Variants in CDH12 observed in about 807,000 individuals in gnomAD.
CDH12 encodes cadherin 12.
CDH12 carries 41 observed loss-of-function variants against 74.1 expected under a neutral mutation model. The observed-to-expected ratio is 0.55, with a 90% CI of 0.43 to 0.72. The LOEUF (loss-of-function observed/expected upper bound fraction) is 0.72, where lower values mean the gene tolerates loss of function less well. Among genes scored for constraint, CDH12 ranks in the 30% least tolerant of loss-of-function variants. The pLI is 0.00. For missense variants in CDH12, 945 were observed against 977.2 expected, an observed-to-expected ratio of 0.97 and a Z score of 0.44; for synonymous variants, 399 against 355.0, an observed-to-expected ratio of 1.12 and a Z score of -1.39.
At chr5:22,384,603 G>A (rs958034816) in intron 3 of CDH12, among the ~76,000 whole-genome samples, 1 of 150,982 alleles carries the variant, frequency 6.6e-6, no homozygotes, top group Non-Finnish European at 1.5e-5. Flanking sequence ...CAGAAAAAAA[G>A]GTTTCAAGGT....
At chr5:22,031,942 C>A (rs558780565) in intron 5 of CDH12, among the ~76,000 whole-genome samples, 1 of 151,950 alleles carries the variant, frequency 6.6e-6, no homozygotes, top group Non-Finnish European at 1.5e-5. Context: ...CAAAGTGAAC[C>A]CATGTTGCAA....
rs143757683 is a variant in CDH12 at position 21,993,070 on chromosome 5, C to T, written c.232-17685G>A. ...CAGAACGATGAGGGGGACATCTGCC[C>T]TCAGGATCTAATCACCTCCCACTAG... On this transcript the variant is annotated intron_variant, in intron 5 of 14. Coordinates refer to ENST00000382254, the MANE Select transcript of CDH12 (RefSeq NM_004061.5). 5.5e-3 allele frequency among the ~76,000 whole-genome samples: 842 copies of T among 152,164 alleles called. 4 individuals are homozygous for T. Among genetic ancestry groups the T allele is most frequent in the South Asian group, 0.012 (59 of 4,814 alleles).
At chr5:22,768,679 A>C (rs907623400) in intron 1 of CDH12, among the ~76,000 whole-genome samples, 5 of 152,134 alleles carry the variant, frequency 3.3e-5, no homozygotes, top group African/African-American at 9.7e-5. Context: ...AAAATGAATA[A>C]GATTTGGACC....
At chr5:22,265,581 T>C (rs558410051) in intron 3 of CDH12, among the ~76,000 whole-genome samples, 18 of 152,270 alleles carry the variant, frequency 1.2e-4, no homozygotes, top group African/African-American at 4.1e-4. Flanking sequence ...CAATAATCAA[T>C]ATATTCATTG....
intron 1 of CDH12, among the ~76,000 whole-genome samples, chr5:22,805,421 G>A (rs756345245): frequency 2.6e-5 from 4 of 151,668 alleles, no homozygotes; most frequent in African/African-American, 4.8e-5. Context: ...AAAAAAATAA[G>A]AATAATAATT....
At chr5:22,164,585 A>T (rs886547302) in intron 4 of CDH12, among the ~76,000 whole-genome samples, 5 of 152,200 alleles carry the variant, frequency 3.3e-5, no homozygotes, top group African/African-American at 1.2e-4. Flanking sequence ...AGAGTGAAAT[A>T]GAGTGAAAAC....
intron 6 of CDH12, chr5:21,889,470 A>T (rs184753038): frequency 1.2e-5 from 6 of 506,428 alleles, no homozygotes; most frequent in African/African-American, 1.0e-4. Context: ...AGAGAAACAG[A>T]CATTGCCTTT....
At chr5:21,981,210 A>G (rs1264619148) in intron 5 of CDH12, among the ~76,000 whole-genome samples, 3 of 152,204 alleles carry the variant, frequency 2.0e-5, no homozygotes, top group African/African-American at 7.2e-5. Flanking sequence ...TGTGTTGTCA[A>G]TAAAACACTA....
chr5:22,597,498 T>A (rs1736658438), intron 1 of CDH12, among the ~76,000 whole-genome samples: 1 of 152,208 alleles, frequency 6.6e-6, no homozygotes, highest in Non-Finnish European at 1.5e-5. Flanking sequence ...CCTGGACTCA[T>A]CTTCCTTCCC....
chr5:22,217,846 T>C (rs1751874615), intron 3 of CDH12, among the ~76,000 whole-genome samples: 1 of 151,642 alleles, frequency 6.6e-6, no homozygotes, highest in Non-Finnish European at 1.5e-5. Context: ...TTTACCCTTT[T>C]GGAGAGTCAG....
At chr5:22,470,569 C>T (rs1280697953) in intron 2 of CDH12, among the ~76,000 whole-genome samples, 1 of 151,962 alleles carries the variant, frequency 6.6e-6, no homozygotes, top group Non-Finnish European at 1.5e-5. Context: ...CAGGCACATG[C>T]CACCCTGCCT....
intron 3 of CDH12, among the ~76,000 whole-genome samples, chr5:22,342,663 CTT>C (rs1190640120): frequency 1.4e-5 from 2 of 145,764 alleles, no homozygotes; most frequent in Non-Finnish European, 3.0e-5. Flanking sequence ...CTTTCTTTCT[CTT>C]TCTTTCCTTT....
intron 1 of CDH12, among the ~76,000 whole-genome samples, chr5:22,665,028 T>C (rs1251363590): frequency 1.3e-5 from 2 of 152,146 alleles, no homozygotes; most frequent in Non-Finnish European, 2.9e-5. Flanking sequence ...GATCATAAAT[T>C]ACTATGGTCT....
intron 6 of CDH12, among the ~76,000 whole-genome samples, chr5:21,898,166 C>G (rs2150051152): frequency 6.6e-6 from 1 of 152,140 alleles, no homozygotes; most frequent in South Asian, 2.1e-4. Flanking sequence ...TAGGAAAAAT[C>G]TATATGTAGG....
intron 4 of CDH12, among the ~76,000 whole-genome samples, chr5:22,165,223 G>A (rs767081194): frequency 5.3e-5 from 8 of 152,194 alleles, no homozygotes; most frequent in Middle Eastern, 6.8e-3. Context: ...CAATGGCCCC[G>A]AAAGCCCCAA....
chr5:22,667,781 T>A (rs1740696809), intron 1 of CDH12, among the ~76,000 whole-genome samples: 1 of 152,212 alleles, frequency 6.6e-6, no homozygotes, highest in Non-Finnish European at 1.5e-5. Flanking sequence ...TGAAGTATGT[T>A]GTAAGGATAA....
chr5:22,446,191 T>C (rs1744809209), intron 2 of CDH12, among the ~76,000 whole-genome samples: 1 of 152,040 alleles, frequency 6.6e-6, no homozygotes. Flanking sequence ...AGGAGACACA[T>C]GTCAGTTCTC....
At chr5:22,434,495 T>A (rs1744300041) in intron 2 of CDH12, among the ~76,000 whole-genome samples, 1 of 152,166 alleles carries the variant, frequency 6.6e-6, no homozygotes, top group African/African-American at 2.4e-5. Flanking sequence ...AAATATATTA[T>A]ATCCAAAATG....
chr5:22,347,040 C>T (rs948235760), intron 3 of CDH12, among the ~76,000 whole-genome samples: 10 of 152,114 alleles, frequency 6.6e-5, no homozygotes, highest in Admixed American at 2.6e-4. Context: ...TTAATATTGA[C>T]GTTGGATATA....
Sources: allele counts gnomAD v4.1 joint callset (sites outside exome capture counted in the v4.1 genomes callset), GRCh38; gene constraint gnomAD v4.1.1; transcripts MANE v1.5; gene names NCBI Gene and HGNC (gene_info 2026-07-23, HGNC 2026-07-21).